The following TMEM178A variants were observed in gnomAD, a reference collection of about 807,000 sequenced individuals.
TMEM178A encodes the protein transmembrane protein 178A, also known as transmembrane protein 178.
A neutral mutation model predicts 29.1 loss-of-function variants in TMEM178A; 12 were observed. That is an observed-to-expected ratio of 0.41 (90% CI 0.26 to 0.67). TMEM178A has a LOEUF of 0.67. Ranked by LOEUF, TMEM178A falls within the 30% of genes least tolerant of loss-of-function variation. The pLI is 0.29. For synonymous variants in TMEM178A, 210 were observed against 187.2 expected, an observed-to-expected ratio of 1.12 and a Z score of -0.99; for missense variants, 366 against 419.1, an observed-to-expected ratio of 0.87 and a Z score of 1.11.
intron 1 of TMEM178A, 88 bp from the exon 2 acceptor site, chr2:39,703,993 C>A: frequency 9.9e-7 from 1 of 1,013,460 alleles, no homozygotes; most frequent in Non-Finnish European, 1.5e-6. Flanking sequence ...CCATTCAACC[C>A]AGGTTAGGTT....
At chr2:39,713,822 T>C (rs1672419450) in intron 3 of TMEM178A, among the ~76,000 whole-genome samples, 1 of 152,230 alleles carries the variant, frequency 6.6e-6, no homozygotes, top group Non-Finnish European at 1.5e-5. Flanking sequence ...CCTAAAACTA[T>C]TAATCCAGCT....
chr2:39,691,322 G>A (rs967435931), intron 1 of TMEM178A, among the ~76,000 whole-genome samples: 1 of 152,160 alleles, frequency 6.6e-6, no homozygotes, highest in African/African-American at 2.4e-5. Context: ...AGCAGCAAAA[G>A]GGAATCCTCA....
intron 2 of TMEM178A, among the ~76,000 whole-genome samples, chr2:39,705,399 G>A (rs1191509396): frequency 6.6e-6 from 1 of 152,172 alleles, no homozygotes; most frequent in East Asian, 1.9e-4. Context: ...ACAGAAAATA[G>A]ACTATCACTC....
intron 1 of TMEM178A, among the ~76,000 whole-genome samples, chr2:39,677,227 C>A (rs946072184): frequency 1.3e-5 from 2 of 152,092 alleles, no homozygotes; most frequent in Non-Finnish European, 2.9e-5. Flanking sequence ...TTCTGAATAT[C>A]TCCCTTCACC....
At chr2:39,719,075 T>C (rs1008702912), downstream of TMEM178A, among the ~76,000 whole-genome samples, 1 of 152,218 alleles carries the variant, frequency 6.6e-6, no homozygotes, top group Non-Finnish European at 1.5e-5. Flanking sequence ...CACACCAGCT[T>C]TGGCTCCGTG....
the TMEM178A span, among the ~76,000 whole-genome samples, chr2:39,727,688 G>C: frequency 6.6e-6 from 1 of 152,052 alleles, no homozygotes. Flanking sequence ...TTTGCATTAG[G>C]TAATTCTCCT....
At chr2:39,688,367 A>G in intron 1 of TMEM178A, among the ~76,000 whole-genome samples, 1 of 152,220 alleles carries the variant, frequency 6.6e-6, no homozygotes, top group Non-Finnish European at 1.5e-5. Flanking sequence ...TGCTGGAGGA[A>G]CTAGACACAT....
At chr2:39,700,774 A>G (rs1158811205) in intron 1 of TMEM178A, among the ~76,000 whole-genome samples, 2 of 150,996 alleles carry the variant, frequency 1.3e-5, no homozygotes, top group African/African-American at 4.9e-5. Flanking sequence ...TTTGTGTTAA[A>G]TACATATTTT....
chr2:39,709,178 G>A (rs752549830), intron 3 of TMEM178A, among the ~76,000 whole-genome samples: 3 of 152,188 alleles, frequency 2.0e-5, no homozygotes, highest in Non-Finnish European at 2.9e-5. Context: ...TGACGGGTAG[G>A]GGGTACTTTG....
chr2:39,733,565 G>T, the TMEM178A span, among the ~76,000 whole-genome samples: 40 of 152,212 alleles, frequency 2.6e-4, no homozygotes, highest in African/African-American at 9.2e-4. Flanking sequence ...AGTCTATCAA[G>T]GTGACATTGC....
At chr2:39,685,411 C>A (rs1671035320) in intron 1 of TMEM178A, among the ~76,000 whole-genome samples, 2 of 152,170 alleles carry the variant, frequency 1.3e-5, no homozygotes, top group African/African-American at 4.8e-5. Flanking sequence ...AGTACTTCTC[C>A]TTTATGTCAG....
intron 3 of TMEM178A, among the ~76,000 whole-genome samples, chr2:39,712,867 C>T (rs139309035): frequency 3.8e-4 from 58 of 152,324 alleles, no homozygotes; most frequent in East Asian, 9.6e-4. Flanking sequence ...ATACTCCTTT[C>T]GCATACCTTG....
At chr2:39,683,308 G>A (rs1351322481) in intron 1 of TMEM178A, among the ~76,000 whole-genome samples, 1 of 152,134 alleles carries the variant, frequency 6.6e-6, no homozygotes, top group African/African-American at 2.4e-5. Context: ...AGCCGAGAAT[G>A]TTATTTTAGG....
At position 39,697,042 on chromosome 2, in the gene TMEM178A, C is replaced by T. The variant is rs72934283; in HGVS notation, c.401-7039C>T. On this transcript the variant is annotated intron_variant, in intron 1 of 3. Transcript: ENST00000281961. ...CTAAACCCAGAAAGCCAGTTAATTT[C>T]AAAGTTTGCATGTATGACTTTGAAA... Among the ~76,000 whole-genome samples, 1,355 of 152,252 alleles carry T rather than the reference C, an allele frequency of 8.9e-3. 26 individuals are homozygous for T. Among genetic ancestry groups the T allele is most frequent in the African/African-American group, 0.031 (1,276 of 41,550 alleles).
intron 1 of TMEM178A, chr2:39,687,159 G>T: frequency 6.3e-6 from 1 of 159,014 alleles, no homozygotes. Context: ...TAAACAGAAA[G>T]AGGATCATAC....
intron 3 of TMEM178A, among the ~76,000 whole-genome samples, chr2:39,713,454 A>G (rs1672399430): frequency 1.3e-5 from 2 of 152,214 alleles, no homozygotes; most frequent in African/African-American, 4.8e-5. Flanking sequence ...AGAACGTGAC[A>G]GTATTTGGAA....
intron 1 of TMEM178A, among the ~76,000 whole-genome samples, chr2:39,694,116 T>C (rs1671440982): frequency 6.6e-6 from 1 of 151,066 alleles, no homozygotes; most frequent in African/African-American, 2.4e-5. Context: ...CCTTTAAGTC[T>C]TGCCTGGATT....
Position 39,668,838 on chromosome 2 carries a change from G to C in TMEM178A, c.400+2464G>C, listed in dbSNP as rs149646938. On this transcript the variant is annotated intron_variant, in intron 1 of 3. Coordinates refer to ENST00000281961, the MANE Select transcript of TMEM178A (RefSeq NM_152390.3). ...GTGACAAGAGCAGCTTTAAAATTCT[G>C]AGTCTATGAATAATTTGAGAAAAGA... Among the ~76,000 whole-genome samples the C allele has an allele frequency of 2.0e-3, 309 of 152,264 alleles. 1 individual carries two copies. Among genetic ancestry groups the C allele is most frequent in the African/African-American group, 7.3e-3 (303 of 41,542 alleles).
chr2:39,684,086 C>G (rs1670975390), intron 1 of TMEM178A, among the ~76,000 whole-genome samples: 2 of 152,198 alleles, frequency 1.3e-5, no homozygotes, highest in Admixed American at 1.3e-4. Context: ...TGATCTGCTT[C>G]TGCCTCTAGC....
Sources: gnomAD v4.1 joint callset for allele counts (sites outside exome capture counted in the v4.1 genomes callset) on GRCh38, gnomAD v4.1.1 for gene constraint, MANE v1.5 for transcripts, NCBI Gene and HGNC (gene_info 2026-07-23, HGNC 2026-07-21) for gene names.